Variants in LRRC4C observed in about 807,000 individuals in gnomAD.
The protein encoded by LRRC4C is leucine-rich repeat-containing protein 4C.
A neutral mutation model predicts 33.6 loss-of-function variants in LRRC4C; 5 were observed. The observed-to-expected ratio is 0.15, with a 90% confidence interval of 0.08 to 0.31. LRRC4C has a LOEUF of 0.31. Among genes scored for constraint, LRRC4C ranks in the 10% least tolerant of loss-of-function variants. The pLI is 1.00. For missense variants in LRRC4C, 560 were observed against 796.7 expected (o/e 0.70, Z 3.58); for synonymous variants, 329 against 302.0 (o/e 1.09, Z -0.93).
At chr11:41,171,494 C>T (rs962912624) in intron 1 of LRRC4C, among the ~76,000 whole-genome samples, 52 of 150,842 alleles carry the variant, frequency 3.4e-4, no homozygotes, top group African/African-American at 7.3e-4. Context: ...AGAAAGCTAT[C>T]GGAAGGACAA....
At chr11:41,153,175 A>C (rs1944073546) in intron 1 of LRRC4C, among the ~76,000 whole-genome samples, 1 of 152,130 alleles carries the variant, frequency 6.6e-6, no homozygotes, top group African/African-American at 2.4e-5. Flanking sequence ...CTACTCCCTT[A>C]AAGAATCTGA....
chr11:40,940,367 G>A (rs745725774), intron 1 of LRRC4C, among the ~76,000 whole-genome samples: 13 of 152,090 alleles, frequency 8.5e-5, no homozygotes, highest in Non-Finnish European at 1.9e-4. Context: ...ATTTTACCAA[G>A]CGGGAAACAA....
At chr11:40,917,008 A>ATTTATTAT (rs1231110535) in intron 2 of LRRC4C, among the ~76,000 whole-genome samples, 2 of 152,158 alleles carry the variant, frequency 1.3e-5, no homozygotes, top group African/African-American at 4.8e-5. Context: ...GGTTTATTTC[A>ATTTATTAT]TACACTTACA....
At chr11:41,429,954 G>T (rs563136286) in intron 1 of LRRC4C, among the ~76,000 whole-genome samples, 111 of 152,226 alleles carry the variant, frequency 7.3e-4, no homozygotes, top group African/African-American at 2.5e-3. Flanking sequence ...GTAATAAATG[G>T]TTAGAGAGGA....
At chr11:40,301,860 T>G (rs774164489) in intron 4 of LRRC4C, among the ~76,000 whole-genome samples, 7 of 152,178 alleles carry the variant, frequency 4.6e-5, no homozygotes, top group Non-Finnish European at 8.8e-5. Flanking sequence ...ATATACACAC[T>G]TTTAAGAGAC....
chr11:41,231,714 T>C (rs1947805868), intron 1 of LRRC4C, among the ~76,000 whole-genome samples: 1 of 151,876 alleles, frequency 6.6e-6, no homozygotes, highest in Admixed American at 6.6e-5. Context: ...TGTATACATA[T>C]GTAACAAACC....
At chr11:41,294,078 T>C (rs970401077) in intron 1 of LRRC4C, among the ~76,000 whole-genome samples, 2 of 152,204 alleles carry the variant, frequency 1.3e-5, no homozygotes, top group African/African-American at 4.8e-5. Flanking sequence ...CCCAGTCTTA[T>C]AAACCTTCGA....
chr11:40,753,422 TA>T (rs543155099), intron 2 of LRRC4C, among the ~76,000 whole-genome samples: 1,833 of 146,362 alleles, frequency 0.013, 66 homozygotes, highest in Admixed American at 0.09. Flanking sequence ...GAAGTACCAG[TA>T]AAAAAAAAAT....
At chr11:40,180,787 T>C (rs1290843049) in intron 5 of LRRC4C, among the ~76,000 whole-genome samples, 1 of 152,230 alleles carries the variant, frequency 6.6e-6, no homozygotes, top group East Asian at 1.9e-4. Context: ...ATGCATTCGC[T>C]ATAGCATATA....
chr11:40,639,000 C>T (rs573319785), intron 3 of LRRC4C, among the ~76,000 whole-genome samples: 23 of 151,956 alleles, frequency 1.5e-4, no homozygotes, highest in African/African-American at 5.3e-4. Context: ...AGTTGGTGGC[C>T]CTTTGTTAAA....
intron 2 of LRRC4C, among the ~76,000 whole-genome samples, chr11:40,674,599 C>T (rs1182464752): frequency 6.6e-6 from 1 of 152,048 alleles, no homozygotes; most frequent in Non-Finnish European, 1.5e-5. Flanking sequence ...ATAGTCCTAT[C>T]TAAGTTTTAG....
chr11:40,690,261 C>A (rs1945165433), intron 2 of LRRC4C, among the ~76,000 whole-genome samples: 3 of 152,006 alleles, frequency 2.0e-5, no homozygotes, highest in South Asian at 4.1e-4. Context: ...GTGGTAGATA[C>A]CACTAGAATC....
chr11:40,947,597 C>T (rs1018224237), intron 1 of LRRC4C, among the ~76,000 whole-genome samples: 1 of 152,014 alleles, frequency 6.6e-6, no homozygotes, highest in Non-Finnish European at 1.5e-5. Flanking sequence ...TTTTTCTCCT[C>T]AAGCCATACT....
In LRRC4C at chr11:40,911,842, A is replaced by T. The variant is rs1956711957; in HGVS notation, c.-407+21793T>A. 2.0e-5 allele frequency among the ~76,000 whole-genome samples: 3 copies of T among 152,258 alleles called. No individual in the cohort carries two copies. The South Asian group carries it at 6.2e-4, about 32-fold the overall frequency. ...CTAACTAGAATAACCAATGCAGAGAAGTCCTTCAAGGACCTGATGGAGCTG... is the reference window on the plus strand; with the variant it reads ...CTAACTAGAATAACCAATGCAGAGATGTCCTTCAAGGACCTGATGGAGCTG... On this transcript the variant is annotated intron_variant, in intron 2 of 6. Coordinates refer to ENST00000528697, the MANE Select transcript of LRRC4C (RefSeq NM_001258419.2).
intron 5 of LRRC4C, among the ~76,000 whole-genome samples, chr11:40,178,088 G>A (rs1270140635): frequency 1.3e-5 from 2 of 152,112 alleles, no homozygotes; most frequent in East Asian, 3.9e-4. Flanking sequence ...TTTTATGTTA[G>A]TATTTTATTA....
At chr11:41,346,999 A>G (rs1379377073) in intron 1 of LRRC4C, among the ~76,000 whole-genome samples, 1 of 152,228 alleles carries the variant, frequency 6.6e-6, no homozygotes, top group Non-Finnish European at 1.5e-5. Flanking sequence ...TCTTGCCTTG[A>G]GGATTATACA....
chr11:41,029,272 C>T (rs999613998), intron 1 of LRRC4C, among the ~76,000 whole-genome samples: 1 of 151,710 alleles, frequency 6.6e-6, no homozygotes, highest in African/African-American at 2.4e-5. Flanking sequence ...GTACACATAG[C>T]ATATGCAGTC....
intron 3 of LRRC4C, among the ~76,000 whole-genome samples, chr11:40,636,998 C>T (rs1941792078): frequency 6.6e-6 from 1 of 152,122 alleles, no homozygotes; most frequent in African/African-American, 2.4e-5. Context: ...GAGGATCATT[C>T]CCCCCTTAAC....
chr11:40,914,013 C>G (rs992676184), intron 2 of LRRC4C, among the ~76,000 whole-genome samples: 4 of 152,186 alleles, frequency 2.6e-5, no homozygotes, highest in Non-Finnish European at 2.9e-5. Context: ...AGCTGACTAT[C>G]TGATTGACCA....
Sources: allele counts gnomAD v4.1 joint callset (sites outside exome capture counted in the v4.1 genomes callset), GRCh38; gene constraint gnomAD v4.1.1; transcripts MANE v1.5; gene names NCBI Gene and HGNC (gene_info 2026-07-23, HGNC 2026-07-21).